Variants in INPP5A observed in about 807,000 individuals in gnomAD.
The protein encoded by INPP5A is 43 kDa inositol polyphosphate 5-phophatase.
INPP5A carries 14 observed loss-of-function variants against 65.2 expected under a neutral mutation model. The ratio of observed to expected loss-of-function variants is 0.21; its 90% CI spans 0.14 to 0.34. The LOEUF (loss-of-function observed/expected upper bound fraction) is 0.34, where lower values mean the gene tolerates loss of function less well. Ranked by LOEUF, INPP5A falls within the 10% of genes least tolerant of loss-of-function variation. INPP5A has a pLI of 1.00. For missense variants in INPP5A, 431 were observed against 545.6 expected (o/e 0.79, Z 2.09); for synonymous variants, 207 against 208.3 (o/e 0.99, Z 0.05).
chr10:132,645,785 G>T, intron 2 of INPP5A, 83 bp from the exon 3 acceptor site: 1 of 1,063,416 alleles, frequency 9.4e-7, no homozygotes, highest in African/African-American at 1.5e-5. Context: ...CTCCCAGGCT[G>T]TGGGGGCGGT....
chr10:132,779,612 A>AC (rs1055501782), intron 13 of INPP5A, among the ~76,000 whole-genome samples: 12 of 152,124 alleles, frequency 7.9e-5, no homozygotes, highest in African/African-American at 2.9e-4. Flanking sequence ...AGGGTGGGGG[A>AC]CAGAGCCTCA....
Position 132,727,067 on chromosome 10 carries a change from C to T in INPP5A, c.732+162C>T, listed in dbSNP as rs55705430. 8,349 of 487,552 alleles carry T rather than the reference C, an allele frequency of 0.017. 98 individuals carry two copies. Among genetic ancestry groups the T allele is most frequent in the Middle Eastern group, 0.029 (52 of 1,800 alleles). The allele number at this position is 487,552 out of a possible 1,614,324, so 30.2% of individuals were successfully genotyped here. A position where few individuals can be genotyped will look rare whatever the true frequency, so the allele number is the denominator to read the frequency against. The stretch of plus-strand genomic sequence containing the variant: ...TCAATGAAGAAGCATGTTTTGCTGT[C>T]GGCAGAGGGATCCGTGTTGGAATCC... On this transcript the variant is annotated intron_variant, in intron 9 of 15. Transcript: ENST00000368594. This position sits in a 1 kb window ranked among gnomAD's most constrained non-coding sequence, Gnocchi z 6.5.
chr10:132,553,412 A>G (rs1380585733), intron 1 of INPP5A, among the ~76,000 whole-genome samples: 95 of 95,278 alleles, frequency 1.0e-3, no homozygotes, highest in Middle Eastern at 0.01. Flanking sequence ...TGGAATATTG[A>G]GTAGGATAGG....
intron 7 of INPP5A, among the ~76,000 whole-genome samples, chr10:132,708,695 G>A (rs1189041362): frequency 2.0e-5 from 3 of 152,216 alleles, no homozygotes; most frequent in African/African-American, 4.8e-5. Flanking sequence ...TAGTACTGGG[G>A]CCCTGTGGCT....
At position 132,697,759 on chromosome 10, in the gene INPP5A, C is replaced by A. The variant is rs75305977; in HGVS notation, c.371-57C>A. On this transcript the variant is annotated intron_variant, in intron 5 of 15. Transcript: ENST00000368594. The surrounding 1 kb of genome is among the most constrained non-coding windows in gnomAD (Gnocchi z 5.6). The stretch of plus-strand genomic sequence containing the variant: ...GGGTGGAAACAGGTTGTGCTCCAGG[C>A]TGGTTGGATGGGGCACAGTGATGGG... The A allele has an allele frequency of 2.5e-6, 3 of 1,202,694 alleles. No individual in the cohort carries two copies. Among genetic ancestry groups the A allele is most frequent in the Admixed American group, 1.8e-5 (1 of 55,350 alleles). The allele number at this position is 1,202,694 out of a possible 1,614,324, so 74.5% of individuals were successfully genotyped here. A position where few individuals can be genotyped will look rare whatever the true frequency, so the allele number is the denominator to read the frequency against.
intron 12 of INPP5A, among the ~76,000 whole-genome samples, chr10:132,766,339 C>T (rs1212448816): frequency 6.6e-6 from 1 of 152,232 alleles, no homozygotes; most frequent in East Asian, 1.9e-4. Flanking sequence ...AAAATACTTT[C>T]TTATCAGACT....
At chr10:132,643,901 G>A (rs1046804846) in intron 2 of INPP5A, among the ~76,000 whole-genome samples, 1 of 152,032 alleles carries the variant, frequency 6.6e-6, no homozygotes, top group African/African-American at 2.4e-5. Flanking sequence ...TGACCCCGTG[G>A]TGTCCTAGGG....
chr10:132,585,208 G>A (rs1233179877), intron 1 of INPP5A, among the ~76,000 whole-genome samples: 10 of 152,164 alleles, frequency 6.6e-5, no homozygotes, highest in Non-Finnish European at 1.3e-4. Flanking sequence ...TTTATACAAA[G>A]TTATTAACAG....
At chr10:132,595,490 T>C (rs2071674700) in intron 1 of INPP5A, among the ~76,000 whole-genome samples, 1 of 152,262 alleles carries the variant, frequency 6.6e-6, no homozygotes, top group South Asian at 2.1e-4. Context: ...TTGGTGAGTG[T>C]GTAGCTCACT....
rs532599832 is a variant in INPP5A, at chr10:132,616,365, C to T, written c.117+8409C>T. Among the ~76,000 whole-genome samples, 153 of 151,006 alleles carry T rather than the reference C, an allele frequency of 1.0e-3. No homozygotes were observed. The highest frequency in any genetic ancestry group is 3.5e-3 in the African/African-American group (143 of 41,084). ...GGCGTGGTGTGGGGCACGTGGCGTG[C>T]GGGGACGCCGTGGGCGTGGTGTGAG... is the stretch of plus-strand genomic sequence containing the variant. On this transcript the variant is annotated intron_variant, in intron 2 of 15. Transcript: ENST00000368594. The surrounding 1 kb of genome is among the most constrained non-coding windows in gnomAD (Gnocchi z 4.9).
intron 1 of INPP5A, among the ~76,000 whole-genome samples, chr10:132,564,611 A>T (rs915910262): frequency 6.6e-6 from 1 of 152,230 alleles, no homozygotes; most frequent in Non-Finnish European, 1.5e-5. Flanking sequence ...AGTTTATATA[A>T]CAAGAGTGTA....
chr10:132,567,687 T>G (rs2071289182), intron 1 of INPP5A, among the ~76,000 whole-genome samples: 1 of 152,232 alleles, frequency 6.6e-6, no homozygotes, highest in African/African-American at 2.4e-5. Context: ...CGGTCTGATT[T>G]CCAAAGCTGC....
intron 4 of INPP5A, among the ~76,000 whole-genome samples, chr10:132,656,104 G>A (rs1247404860): frequency 6.6e-6 from 1 of 152,276 alleles, no homozygotes; most frequent in Non-Finnish European, 1.5e-5. Flanking sequence ...CACTGCTGGG[G>A]CCCATGCCCA....
intron 12 of INPP5A, among the ~76,000 whole-genome samples, chr10:132,777,232 C>T (rs1847080162): frequency 6.6e-6 from 1 of 152,250 alleles, no homozygotes; most frequent in South Asian, 2.1e-4. Context: ...GCGGAGACCA[C>T]GTGTGCCACA....
At chr10:132,673,969 A>G (rs377271546) in intron 4 of INPP5A, among the ~76,000 whole-genome samples, 6 of 152,200 alleles carry the variant, frequency 3.9e-5, no homozygotes, top group Admixed American at 6.5e-5. Context: ...TGCCGAGCCC[A>G]TGGGTACCCT....
At chr10:132,710,541 G>A (rs1036189154) in intron 8 of INPP5A, 85 bp downstream of exon 8, 135 of 1,537,402 alleles carry the variant, frequency 8.8e-5, no homozygotes, top group Admixed American at 4.1e-4. Flanking sequence ...AGGTGTGGGC[G>A]GACAAGTAGG....
intron 3 of INPP5A, among the ~76,000 whole-genome samples, chr10:132,646,720 G>A (rs2072499508): frequency 2.0e-5 from 3 of 152,192 alleles, no homozygotes; most frequent in Admixed American, 1.3e-4. Flanking sequence ...GGGCTTCTGG[G>A]ACCAGCCCCC....
At position 132,645,873 on chromosome 10, in the gene INPP5A, G is replaced by A. The variant is rs768795044; in HGVS notation, c.123G>A (p.Val41=). Residue 41 remains valine, a synonymous_variant, in exon 3 of 16, where the codon GTG becomes GTA. Transcript: ENST00000368594. Reference sequence around the variant, plus strand: ...GTGTGCTTCTCTCCCTCCAGGTCGTGCACACACACAAGCCGCACTTCATGG... The same window carrying A: ...GTGTGCTTCTCTCCCTCCAGGTCGTACACACACACAAGCCGCACTTCATGG... ...KNWLREFYQV[V]HTHKPHFMAL... is the part of the protein sequence containing the mutation. 3 of 1,612,310 alleles carry A rather than the reference G, an allele frequency of 1.9e-6. No individual in the cohort carries two copies. Among genetic ancestry groups the A allele is most frequent in the South Asian group, 1.1e-5 (1 of 90,954 alleles).
Position 132,587,620 on chromosome 10 carries a change from G to A in INPP5A, c.76-20295G>A, listed in dbSNP as rs2071561280. On this transcript the variant is annotated intron_variant, in intron 1 of 15. Coordinates refer to ENST00000368594, the MANE Select transcript of INPP5A (RefSeq NM_005539.5). The surrounding 1 kb of genome is among the most constrained non-coding windows in gnomAD (Gnocchi z 4.3). ...CTTTGTTGTTTGTATGCCGTGCTCA[G>A]AAGCTAGCCAGAGGATTCCGTTCAG... is the stretch of plus-strand genomic sequence containing the variant. Among the ~76,000 whole-genome samples the A allele has an allele frequency of 6.6e-6, 1 of 152,234 alleles. No homozygotes were observed. The highest frequency in any genetic ancestry group is 1.5e-5 in the Non-Finnish European group (1 of 68,038).
Sources: allele counts gnomAD v4.1 joint callset (sites outside exome capture counted in the v4.1 genomes callset), GRCh38; gene constraint gnomAD v4.1.1; non-coding constraint Gnocchi (gnomAD v3.1); transcripts MANE v1.5; gene names NCBI Gene and HGNC (gene_info 2026-07-23, HGNC 2026-07-21).